Variants in SLC60A1 observed in about 807,000 individuals in gnomAD.
The protein encoded by SLC60A1 is solute carrier family 60 member 1, also known as major facilitator superfamily domain containing 4.
At chr1:205,585,986 G>A in the SLC60A1 span, 4 of 1,522,398 alleles carry the variant, frequency 2.6e-6, no homozygotes, top group Non-Finnish European at 3.5e-6. The surrounding 1 kb of genome is among the most constrained non-coding windows in gnomAD (Gnocchi z 4.2). Context: ...GAGGGTCATT[G>A]TCTGGCTGGG....
chr1:205,569,804 C>G, the SLC60A1 span, among the ~76,000 whole-genome samples: 1 of 152,046 alleles, frequency 6.6e-6, no homozygotes, highest in African/African-American at 2.4e-5. Context: ...TTGACTGATT[C>G]CCAGGGCCAG....
the SLC60A1 span, among the ~76,000 whole-genome samples, chr1:205,596,544 C>CAAAAAAAAAAAAAAAAAAAAAA: frequency 2.0e-5 from 1 of 49,110 alleles, no homozygotes. Context: ...GACTCTGTCT[C>CAAAAAAAAAAAAAAAAAAAAAA]AAAAAAAAAA....
the SLC60A1 span, chr1:205,586,274 A>C: frequency 1.3e-6 from 2 of 1,566,358 alleles, no homozygotes; most frequent in Admixed American, 3.5e-5. Flanking sequence ...TCCTGGCCCT[A>C]CCCCAGGACG....
At chr1:205,594,720 CT>C in the SLC60A1 span, among the ~76,000 whole-genome samples, 1 of 151,610 alleles carries the variant, frequency 6.6e-6, no homozygotes, top group Non-Finnish European at 1.5e-5. Context: ...ATCTTCATTT[CT>C]TACTGTCCCT....
chr1:205,589,743 C>T, the SLC60A1 span, among the ~76,000 whole-genome samples: 10 of 152,142 alleles, frequency 6.6e-5, no homozygotes, highest in African/African-American at 2.4e-4. Flanking sequence ...GAGCCACCAT[C>T]TCCAGCCACT....
chr1:205,586,696 ACT>A, the SLC60A1 span, among the ~76,000 whole-genome samples: 1 of 127,796 alleles, frequency 7.8e-6, no homozygotes, highest in South Asian at 2.5e-4. Flanking sequence ...CTCCTAGGTG[ACT>A]CTTTTTTTTT....
chr1:205,592,735 G>C, the SLC60A1 span, among the ~76,000 whole-genome samples: 24 of 152,276 alleles, frequency 1.6e-4, no homozygotes, highest in African/African-American at 5.8e-4. Flanking sequence ...GTAATGATGG[G>C]ATTTTAGGCC....
the SLC60A1 span, among the ~76,000 whole-genome samples, chr1:205,584,562 A>AAAAAG: frequency 5.2e-5 from 7 of 133,620 alleles, no homozygotes; most frequent in African/African-American, 2.1e-4. Context: ...AAAAAAAAAA[A>AAAAAG]AAAAGAAAAT....
the SLC60A1 span, among the ~76,000 whole-genome samples, chr1:205,572,653 G>A: frequency 1.1e-4 from 17 of 152,112 alleles, no homozygotes; most frequent in African/African-American, 3.1e-4. Flanking sequence ...CTCCCCTTGA[G>A]CTGGGCTGTG....
the SLC60A1 span, chr1:205,580,804 G>T: frequency 6.2e-7 from 1 of 1,614,152 alleles, no homozygotes; most frequent in Non-Finnish European, 8.5e-7. The surrounding 1 kb of genome is among the most constrained non-coding windows in gnomAD (Gnocchi z 5.0). Flanking sequence ...CCAGGGTGCT[G>T]GGCCAGCACC....
chr1:205,589,418 T>C, the SLC60A1 span, among the ~76,000 whole-genome samples: 8 of 152,100 alleles, frequency 5.3e-5, no homozygotes, highest in Non-Finnish European at 1.0e-4. Flanking sequence ...TTTTGTAAGG[T>C]GGGCTTTGAA....
chr1:205,590,200 G>A, the SLC60A1 span, among the ~76,000 whole-genome samples: 1 of 152,194 alleles, frequency 6.6e-6, no homozygotes, highest in Non-Finnish European at 1.5e-5. Flanking sequence ...TGCTGTAGAG[G>A]CAGGTGAAAC....
At chr1:205,599,420 C>T in the SLC60A1 span, among the ~76,000 whole-genome samples, 1 of 152,194 alleles carries the variant, frequency 6.6e-6, no homozygotes, top group Admixed American at 6.5e-5. Context: ...TCTCTTCCTG[C>T]TTTCCATACG....
chr1:205,569,253 C>T, the SLC60A1 span: 3 of 1,568,274 alleles, frequency 1.9e-6, no homozygotes, highest in African/African-American at 1.4e-5. Flanking sequence ...CTCGCAGCAG[C>T]TCTGCCTCCT....
the SLC60A1 span, among the ~76,000 whole-genome samples, chr1:205,570,318 C>T: frequency 2.0e-5 from 3 of 152,208 alleles, no homozygotes; most frequent in Non-Finnish European, 4.4e-5. Flanking sequence ...TTCCCCAGTC[C>T]CAGCTCCTGG....
the SLC60A1 span, chr1:205,584,103 C>T: frequency 7.4e-6 from 12 of 1,613,816 alleles, no homozygotes; most frequent in East Asian, 2.2e-5. Flanking sequence ...TCACTGCCCC[C>T]AAAGTTTCAG....
At chr1:205,580,408 C>T in the SLC60A1 span, among the ~76,000 whole-genome samples, 3 of 152,176 alleles carry the variant, frequency 2.0e-5, no homozygotes, top group African/African-American at 7.2e-5. This position sits in a 1 kb window ranked among gnomAD's most constrained non-coding sequence, Gnocchi z 5.0. Context: ...GAATTGGGCA[C>T]TGTCACCCGA....
chr1:205,595,224 C>T, the SLC60A1 span: 1 of 152,472 alleles, frequency 6.6e-6, no homozygotes, highest in Non-Finnish European at 1.5e-5. Flanking sequence ...TCTCTCCCTG[C>T]TTCCCCTGCA....
chr1:205,570,905 G>C, the SLC60A1 span, among the ~76,000 whole-genome samples: 1 of 152,186 alleles, frequency 6.6e-6, no homozygotes, highest in African/African-American at 2.4e-5. Context: ...TGAAATGACA[G>C]GTTGGCAGGG....
Sources: allele counts gnomAD v4.1 joint callset (sites outside exome capture counted in the v4.1 genomes callset), GRCh38; gene constraint gnomAD v4.1.1; non-coding constraint Gnocchi (gnomAD v3.1); transcripts MANE v1.5; gene names NCBI Gene and HGNC (gene_info 2026-07-23, HGNC 2026-07-21).